The following TRIP12 variants were observed in gnomAD, a reference collection of about 807,000 sequenced individuals.
The protein encoded by TRIP12 is thyroid hormone receptor interactor 12.
In TRIP12, 25 loss-of-function variants were observed where a neutral mutation model predicts 244.2. The observed-to-expected ratio is 0.10, with a 90% confidence interval of 0.07 to 0.14. The LOEUF is 0.14. TRIP12 is among the 10% of genes least tolerant of loss of function. TRIP12 has a pLI of 1.00. For missense variants in TRIP12, 1,677 were observed against 2,486.4 expected (o/e 0.67, Z 6.92); for synonymous variants, 905 against 873.1 (o/e 1.04, Z -0.64).
intron 1 of TRIP12, among the ~76,000 whole-genome samples, chr2:229,884,103 T>C (rs1485037559): frequency 6.6e-6 from 1 of 151,506 alleles, no homozygotes; most frequent in Non-Finnish European, 1.5e-5. Flanking sequence ...AGTGAGTCCA[T>C]TTCAAAAAAA....
chr2:229,885,766 C>G (rs1024975874), intron 1 of TRIP12, among the ~76,000 whole-genome samples: 4 of 152,138 alleles, frequency 2.6e-5, no homozygotes, highest in African/African-American at 9.7e-5. Context: ...TGCCGAGAAA[C>G]AATGACAAGA....
In TRIP12 at chr2:229,811,152, T is replaced by C. The variant is rs1335962145; in HGVS notation, c.2039A>G (p.Asn680Ser). ...AACACTTACCTCCTCATGCTGGAAG[T>C]TGTCCACTAGGCGTGCAAAACAAAG... ...TCLCFARLVDNFQHEENLLQQ... is the reference protein window; with the variant it reads ...TCLCFARLVDSFQHEENLLQQ... Residue 680 changes from asparagine (N) to serine (S), a missense_variant, in exon 14 of 42, where the codon AAC becomes AGC. By Grantham distance (46) the Asn-to-Ser change is conservative. Coordinates refer to ENST00000675903, the MANE Select transcript of TRIP12 (RefSeq NM_001348323.3). 2.0e-5 allele frequency: 33 copies of C among 1,614,090 alleles called. No homozygotes were observed. Among genetic ancestry groups the C allele is most frequent in the Non-Finnish European group, 2.8e-5 (33 of 1,179,998 alleles).
intron 1 of TRIP12, chr2:229,921,678 C>G (rs2076606942): frequency 6.6e-6 from 1 of 151,916 alleles, no homozygotes; most frequent in East Asian, 1.9e-4. Context: ...AGCGTCTCTC[C>G]CGTCCACCCC....
At chr2:229,824,169 A>G (rs2050852429) in intron 8 of TRIP12, among the ~76,000 whole-genome samples, 1 of 152,250 alleles carries the variant, frequency 6.6e-6, no homozygotes, top group South Asian at 2.1e-4. Context: ...ATGATAAAGT[A>G]TTAATTTAAG....
rs1432287399 is a variant in TRIP12 at position 229,790,600 on chromosome 2, G to A, written c.4543+524C>T. On this transcript the variant is annotated intron_variant, in intron 30 of 41. Coordinates refer to ENST00000675903, the MANE Select transcript of TRIP12 (RefSeq NM_001348323.3). ...CTAACTCTAAGGCACTGTTAGTATCGTATTTTTAAAGGGAAGACGTGGGGG... is the reference window on the plus strand; with the variant it reads ...CTAACTCTAAGGCACTGTTAGTATCATATTTTTAAAGGGAAGACGTGGGGG... Among the ~76,000 whole-genome samples, 13 of 152,132 alleles carry A rather than the reference G, an allele frequency of 8.5e-5. No individual in the cohort carries two copies. In the East Asian group the frequency reaches 1.9e-3, roughly 23 times the overall value.
In TRIP12 at chr2:229,778,853, A is replaced by G. The variant is rs1354878793; in HGVS notation, c.5209+23T>C. The G allele has an allele frequency of 5.0e-6, 8 of 1,604,176 alleles. No homozygotes were observed. The highest frequency in any genetic ancestry group is 6.8e-6 in the Non-Finnish European group (8 of 1,171,306). On this transcript the variant is annotated intron_variant, in intron 35 of 41. Coordinates refer to ENST00000675903, the MANE Select transcript of TRIP12 (RefSeq NM_001348323.3). This position sits in a 1 kb window ranked among gnomAD's most constrained non-coding sequence, Gnocchi z 4.1. The stretch of plus-strand genomic sequence containing the variant: ...TACCTGATCTGAGTAACACAAACCA[A>G]CTAACTTACAGATAGGCATTACCTT...
At chr2:229,810,642 T>C (rs983898102) in intron 15 of TRIP12, among the ~76,000 whole-genome samples, 1 of 152,336 alleles carries the variant, frequency 6.6e-6, no homozygotes, top group African/African-American at 2.4e-5. Flanking sequence ...TTAATGACTT[T>C]GTATTGTTAG....
intron 5 of TRIP12, 27 bp from the exon 6 acceptor site, chr2:229,837,011 C>A (rs1366698009): frequency 2.7e-6 from 4 of 1,495,082 alleles, no homozygotes; most frequent in Non-Finnish European, 3.6e-6. Context: ...TCATCATGGG[C>A]AGCATTACCA....
chr2:229,919,609 A>G (rs2076122782), intron 1 of TRIP12, among the ~76,000 whole-genome samples: 1 of 152,152 alleles, frequency 6.6e-6, no homozygotes, highest in African/African-American at 2.4e-5. Context: ...TTTTGAAAGT[A>G]AATGAAAAAA....
Position 229,814,205 on chromosome 2 carries a change from T to C in TRIP12, c.1824+28A>G, listed in dbSNP as rs757530170. On this transcript the variant is annotated intron_variant, in intron 12 of 41. Coordinates refer to ENST00000675903, the MANE Select transcript of TRIP12 (RefSeq NM_001348323.3). Reference sequence around the variant, plus strand: ...TTTAAAAATTCTACATAAAGTGAAATGTAGTCCCCTTCAGTAACAACACTT... The same window carrying C: ...TTTAAAAATTCTACATAAAGTGAAACGTAGTCCCCTTCAGTAACAACACTT... 6.2e-6 allele frequency: 10 copies of C among 1,608,058 alleles called. No homozygotes were observed. In the East Asian group the frequency reaches 2.0e-4, roughly 32 times the overall value.
At chr2:229,775,495 C>A (rs1440960829) in intron 37 of TRIP12, among the ~76,000 whole-genome samples, 1 of 151,452 alleles carries the variant, frequency 6.6e-6, no homozygotes, top group Admixed American at 6.6e-5. Context: ...ATTACTATTA[C>A]ACCACTGGAA....
chr2:229,801,636 C>G (rs920703533), intron 21 of TRIP12, among the ~76,000 whole-genome samples: 3 of 151,982 alleles, frequency 2.0e-5, no homozygotes, highest in African/African-American at 7.3e-5. Flanking sequence ...GTTTCTAACA[C>G]AACAAAATGG....
chr2:229,862,126 G>A (rs781157528), intron 2 of TRIP12, among the ~76,000 whole-genome samples: 5 of 151,920 alleles, frequency 3.3e-5, no homozygotes, highest in African/African-American at 7.3e-5. Context: ...ACACTATCTC[G>A]GCTCACTGCA....
At chr2:229,880,826 C>T (rs1241026537) in intron 1 of TRIP12, among the ~76,000 whole-genome samples, 4 of 152,082 alleles carry the variant, frequency 2.6e-5, no homozygotes, top group Admixed American at 1.3e-4. Flanking sequence ...CATTTGTAAA[C>T]CCAGCAACTT....
chr2:229,777,281 A>T, intron 37 of TRIP12, 34 bp downstream of exon 37: 2 of 1,588,290 alleles, frequency 1.3e-6, no homozygotes, highest in Non-Finnish European at 1.7e-6. Context: ...TAAAATAAAG[A>T]CTTGATCTAC....
rs560995584 is a variant in TRIP12 at position 229,784,075 on chromosome 2, A to G, written c.5094+1682T>C. 1.1e-4 allele frequency among the ~76,000 whole-genome samples: 16 copies of G among 148,822 alleles called. No homozygotes were observed. The South Asian group carries it at 3.4e-3, about 31-fold the overall frequency. On this transcript the variant is annotated intron_variant, in intron 34 of 41. Transcript: ENST00000675903. ...CAGTGAGCTGAGATTGTGCCATTGC[A>G]CTCCAGCCTGGGCAACAAGAGCAAA...
chr2:229,914,925 T>C (rs1028797071), intron 1 of TRIP12, among the ~76,000 whole-genome samples: 7 of 152,188 alleles, frequency 4.6e-5, no homozygotes, highest in African/African-American at 1.7e-4. Context: ...TGTATACTAT[T>C]ATAAATTGGA....
chr2:229,835,490 T>C (rs66590348), intron 6 of TRIP12, among the ~76,000 whole-genome samples: 7,653 of 152,288 alleles, frequency 0.05, 249 homozygotes, highest in Non-Finnish European at 0.072. Context: ...GTTACAAATA[T>C]GCCTGGCTTT....
intron 4 of TRIP12, among the ~76,000 whole-genome samples, chr2:229,851,280 CCT>C (rs1471602800): frequency 1.3e-5 from 2 of 152,130 alleles, no homozygotes; most frequent in African/African-American, 2.4e-5. Context: ...CAATCCGCAC[CCT>C]GTGTCTAGCT....
Sources: gnomAD v4.1 joint callset for allele counts (sites outside exome capture counted in the v4.1 genomes callset) on GRCh38, gnomAD v4.1.1 for gene constraint, Gnocchi (gnomAD v3.1) non-coding constraint, MANE v1.5 for transcripts, NCBI Gene and HGNC (gene_info 2026-07-23, HGNC 2026-07-21) for gene names.